Variants in MED13 observed in about 807,000 individuals in gnomAD.
MED13 encodes the protein mediator complex subunit 13.
In MED13, 23 loss-of-function variants were observed where a neutral mutation model predicts 225.2. The observed-to-expected ratio is 0.10, with a 90% confidence interval of 0.07 to 0.14. The LOEUF is 0.14. Ranked by LOEUF, MED13 falls within the 10% of genes least tolerant of loss-of-function variation. MED13 has a pLI of 1.00. For synonymous variants in MED13, 942 were observed against 889.2 expected (o/e 1.06, Z -1.06); for missense variants, 2,197 against 2,594.5 (o/e 0.85, Z 3.33).
At chr17:61,966,899 T>C (rs1190856194) in intron 18 of MED13, among the ~76,000 whole-genome samples, 1 of 152,078 alleles carries the variant, frequency 6.6e-6, no homozygotes, top group Non-Finnish European at 1.5e-5. Context: ...AATTAAAATA[T>C]CTCTAATGAA....
intron 17 of MED13, among the ~76,000 whole-genome samples, chr17:61,971,759 C>A (rs1603394357): frequency 6.6e-6 from 1 of 151,954 alleles, no homozygotes; most frequent in Admixed American, 6.6e-5. Context: ...CGTGATGAAA[C>A]CCTGTCTCTA....
chr17:62,032,612 T>A (rs1193360877), intron 5 of MED13: 1 of 151,978 alleles, frequency 6.6e-6, no homozygotes, highest in East Asian at 1.9e-4. Context: ...ATGCCTCCTC[T>A]CATGCCTCTC....
At chr17:62,030,642 G>A (rs1293684227) in intron 6 of MED13, 1 of 152,174 alleles carries the variant, frequency 6.6e-6, no homozygotes, top group East Asian at 1.9e-4. Flanking sequence ...TTTTTGTAAG[G>A]TCAGCTGAGC....
rs1298592510 is a variant in MED13, at chr17:62,063,141, C to T, written c.227G>A (p.Gly76Glu). The change falls in exon 2 of 30, where the codon GGA (glycine) becomes GAA (glutamate). Residue 76 changes from glycine to glutamate, a missense_variant. Gly to Glu is a moderately conservative substitution (Grantham distance 98). This residue lies in a region of MED13 where 884 missense variants were observed against 918.5 expected (regional missense o/e 0.96). Transcript: ENST00000397786. The part of the protein sequence containing the change: ...LGVWRRDQRP[G>E]RRELWIFWWG... ...CCAAAATATCCACAATTCTCTTCTT[C>T]CAGGTCTTTGATCTCGCCGCCAAAC... is the stretch of plus-strand genomic sequence containing the variant. The T allele has an allele frequency of 2.5e-6, 4 of 1,614,056 alleles. No homozygotes were observed. In the African/African-American group the frequency reaches 4.0e-5, roughly 16 times the overall value.
chr17:62,022,182 T>A (rs902313387), intron 8 of MED13, among the ~76,000 whole-genome samples: 1,549 of 144,310 alleles, frequency 0.011, 26 homozygotes, highest in African/African-American at 0.035. Flanking sequence ...AAAATATATA[T>A]ATATATATAT....
chr17:62,029,216 A>ATGCTT (rs2080731198), intron 8 of MED13: 1 of 217,172 alleles, frequency 4.6e-6, no homozygotes, highest in Non-Finnish European at 8.9e-6. Context: ...TGAGGAAGGA[A>ATGCTT]TGCTTTTCTC....
intron 8 of MED13, among the ~76,000 whole-genome samples, chr17:62,024,574 C>A (rs1242228451): frequency 6.6e-6 from 1 of 151,978 alleles, no homozygotes; most frequent in East Asian, 1.9e-4. Flanking sequence ...GGGGTAAATT[C>A]GCAGGTTTGT....
At position 62,023,944 on chromosome 17, in the gene MED13, C is replaced by T. The variant is rs184465174; in HGVS notation, c.1283+5597G>A. On this transcript the variant is annotated intron_variant, in intron 8 of 29. Coordinates refer to ENST00000397786, the MANE Select transcript of MED13 (RefSeq NM_005121.3). ...AGCAAACTAACCAAAGCAAGTCACA[C>T]GTATCGATTATGTAAAATTTTAGCA... 5.7e-3 allele frequency among the ~76,000 whole-genome samples: 870 copies of T among 152,206 alleles called. 6 individuals carry two copies. The highest frequency in any genetic ancestry group is 0.02 in the African/African-American group (828 of 41,510).
In MED13 at chr17:61,995,381, A is replaced by T. The variant is rs187215979; in HGVS notation, c.1968-16T>A. 265 of 1,541,788 alleles carry T rather than the reference A, an allele frequency of 1.7e-4. No homozygotes were observed. The highest frequency in any genetic ancestry group is 2.1e-4 in the Non-Finnish European group (240 of 1,144,848). ...CACCATTAACCTGCATAAAAAAATT[A>T]AAAAAAATTAATTATCCACATAAGC... is the stretch of plus-strand genomic sequence containing the variant. On this transcript the variant is annotated splice_polypyrimidine_tract_variant and intron_variant, in intron 9 of 29. Coordinates refer to ENST00000397786, the MANE Select transcript of MED13 (RefSeq NM_005121.3).
intron 14 of MED13, 108 bp downstream of exon 14, chr17:61,984,543 T>C (rs2080232181): frequency 2.9e-6 from 3 of 1,035,834 alleles, no homozygotes; most frequent in East Asian, 2.6e-5. Flanking sequence ...GTCCTCAACT[T>C]AGCTACAAAA....
At chr17:61,949,501 A>G (rs1239653215) in intron 28 of MED13, among the ~76,000 whole-genome samples, 1 of 152,130 alleles carries the variant, frequency 6.6e-6, no homozygotes, top group Non-Finnish European at 1.5e-5. Flanking sequence ...TGCTGGGATT[A>G]TAGGGGTGAA....
chr17:61,956,290 G>T (rs2079943268), intron 24 of MED13, 49 bp downstream of exon 24: 1 of 1,556,482 alleles, frequency 6.4e-7, no homozygotes, highest in African/African-American at 1.4e-5. Flanking sequence ...AACTGTGTGT[G>T]AATTTACATA....
At chr17:61,957,276 C>A (rs1354316404) in intron 23 of MED13, among the ~76,000 whole-genome samples, 1 of 151,346 alleles carries the variant, frequency 6.6e-6, no homozygotes, top group Non-Finnish European at 1.5e-5. Flanking sequence ...CAACTCCCGA[C>A]CTCAGGTGAT....
At chr17:62,018,291 T>C (rs1052879650) in intron 8 of MED13, among the ~76,000 whole-genome samples, 3 of 152,172 alleles carry the variant, frequency 2.0e-5, no homozygotes, top group African/African-American at 7.2e-5. Flanking sequence ...AATATTATTT[T>C]TCAAAAATGA....
intron 9 of MED13, among the ~76,000 whole-genome samples, chr17:61,997,181 T>C (rs779892878): frequency 1.3e-5 from 2 of 152,216 alleles, no homozygotes; most frequent in Non-Finnish European, 2.9e-5. Flanking sequence ...CTAGTAGCAC[T>C]TGATCTCTTA....
chr17:62,031,677 T>C (rs2080758364), intron 5 of MED13, 39 bp from the exon 6 acceptor site: 6 of 1,376,632 alleles, frequency 4.4e-6, no homozygotes, highest in African/African-American at 1.4e-5. Context: ...CCAATTACCT[T>C]TGTGACTAGT....
intron 8 of MED13, among the ~76,000 whole-genome samples, chr17:62,018,169 ATACT>A (rs1049780539): frequency 5.3e-5 from 8 of 152,356 alleles, no homozygotes; most frequent in African/African-American, 1.9e-4. Flanking sequence ...GAGCTTTCTA[ATACT>A]TAAATACTTT....
rs1224209970 is a variant in MED13, at chr17:61,944,508, CATT to C, written c.*1957_*1959del. 2 of 151,630 alleles carry C rather than the reference CATT, an allele frequency of 1.3e-5. No homozygotes were observed. Among genetic ancestry groups the C allele is most frequent in the East Asian group, 1.9e-4 (1 of 5,176 alleles). The allele number at this position is 151,630 out of a possible 1,614,324, so 9.4% of individuals were successfully genotyped here. A position where few individuals can be genotyped will look rare whatever the true frequency, so the allele number is the denominator to read the frequency against. On this transcript the variant is annotated 3_prime_UTR_variant, in exon 30 of 30. Transcript: ENST00000397786. ...CAAAATATGCTGACCATTAGAACTGCATTATAATTTTGAAGAAATGATTGACAA... is the reference window on the plus strand; with the variant it reads ...CAAAATATGCTGACCATTAGAACTGCATAATTTTGAAGAAATGATTGACAA...
At chr17:62,030,366 C>T (rs1048397665) in intron 6 of MED13, 2 of 164,530 alleles carry the variant, frequency 1.2e-5, no homozygotes, top group Non-Finnish European at 2.6e-5. Flanking sequence ...CCCAGAGTGA[C>T]ATCATCAAGG....
Sources: gnomAD v4.1 joint callset for allele counts (sites outside exome capture counted in the v4.1 genomes callset) on GRCh38, gnomAD v4.1.1 for gene constraint, gnomAD v4.1.1 regional missense constraint, MANE v1.5 for transcripts, NCBI Gene and HGNC (gene_info 2026-07-23, HGNC 2026-07-21) for gene names.